The following PTPRD variants were observed in gnomAD, a reference collection of about 807,000 sequenced individuals.
The protein encoded by PTPRD is receptor-type tyrosine-protein phosphatase delta.
A neutral mutation model predicts 214.5 loss-of-function variants in PTPRD; 34 were observed. That is an observed-to-expected ratio of 0.16 (90% confidence interval 0.12 to 0.21). PTPRD has a LOEUF of 0.21. Ranked by LOEUF, PTPRD falls within the 10% of genes least tolerant of loss-of-function variation. The probability of loss-of-function intolerance (pLI) is 1.00; values close to 1 mark genes in which losing one functional copy is unlikely to be tolerated. For missense variants in PTPRD, 2,545 were observed against 2,398.7 expected, an observed-to-expected ratio of 1.06 and a Z score of -1.27; for synonymous variants, 1,128 against 845.7, an observed-to-expected ratio of 1.33 and a Z score of -5.79.
intron 11 of PTPRD, among the ~76,000 whole-genome samples, chr9:8,940,463 TGGTA>T (rs2099026383): frequency 5.1e-4 from 54 of 106,784 alleles, no homozygotes; most frequent in East Asian, 7.5e-4. Flanking sequence ...TTTTTTTTTT[TGGTA>T]TTTTTAATAG....
intron 8 of PTPRD, among the ~76,000 whole-genome samples, chr9:9,526,274 A>G (rs1416483758): frequency 6.6e-6 from 1 of 152,044 alleles, no homozygotes; most frequent in Non-Finnish European, 1.5e-5. Flanking sequence ...CAAACTATTA[A>G]TGGTGCTTTT....
rs181418000 is a variant in PTPRD at position 10,086,766 on chromosome 9, C to T, written c.-544-52976G>A. ...TGAAACAAAAATGCAAACACAACTT[C>T]GCTGTTGCAACTTTTCTTTCATAAT... is the stretch of plus-strand genomic sequence containing the variant. On this transcript the variant is annotated intron_variant, in intron 3 of 45. Coordinates refer to ENST00000381196, the MANE Select transcript of PTPRD (RefSeq NM_002839.4). Among the ~76,000 whole-genome samples the T allele has an allele frequency of 8.6e-5, 13 of 151,886 alleles. No individual in the cohort carries two copies. In the East Asian group the frequency reaches 2.1e-3, roughly 25 times the overall value.
At chr9:8,804,282 A>C (rs1032528770) in intron 11 of PTPRD, among the ~76,000 whole-genome samples, 4 of 152,020 alleles carry the variant, frequency 2.6e-5, no homozygotes, top group African/African-American at 9.7e-5. Context: ...ACAAATCTAT[A>C]GGCACTTTAA....
chr9:9,951,189 C>G (rs914419030), intron 4 of PTPRD, among the ~76,000 whole-genome samples: 2 of 151,978 alleles, frequency 1.3e-5, no homozygotes, highest in Admixed American at 1.3e-4. Flanking sequence ...GGTCTAGCTT[C>G]TATTAACTGA....
chr9:10,565,612 C>T, intron 2 of PTPRD, among the ~76,000 whole-genome samples: 1 of 152,000 alleles, frequency 6.6e-6, no homozygotes, highest in Middle Eastern at 3.2e-3. Flanking sequence ...CAAACACACC[C>T]CTTTGGATAA....
chr9:10,324,923 C>A (rs551364220), intron 3 of PTPRD, among the ~76,000 whole-genome samples: 2 of 152,034 alleles, frequency 1.3e-5, no homozygotes, highest in African/African-American at 2.4e-5. Flanking sequence ...TTTACCAACA[C>A]ACATACCATC....
chr9:8,913,138 A>T lies in PTPRD; in HGVS notation c.-104+105559T>A, dbSNP rs185496414. Among the ~76,000 whole-genome samples, 84 of 152,224 alleles carry T rather than the reference A, an allele frequency of 5.5e-4. 1 individual carries two copies. The highest frequency in any genetic ancestry group is 4.3e-3 in the Admixed American group (66 of 15,284). On this transcript the variant is annotated intron_variant, in intron 11 of 45. Coordinates refer to ENST00000381196, the MANE Select transcript of PTPRD (RefSeq NM_002839.4). ...TACCACAGAATTTTCTTTAAAAAAA[A>T]ACTTTATGAACATGACTTGAACATT...
chr9:9,207,045 A>G (rs985178681), intron 9 of PTPRD, among the ~76,000 whole-genome samples: 4 of 152,196 alleles, frequency 2.6e-5, no homozygotes, highest in African/African-American at 7.2e-5. Context: ...GGATTTGAGG[A>G]GAAGATTCTG....
At chr9:9,170,315 TC>T (rs2099911970) in intron 10 of PTPRD, among the ~76,000 whole-genome samples, 1 of 152,210 alleles carries the variant, frequency 6.6e-6, no homozygotes, top group Non-Finnish European at 1.5e-5. Context: ...AGGTTCTTTG[TC>T]CTTCAAATTT....
At chr9:8,942,849 G>C (rs1164224613) in intron 11 of PTPRD, among the ~76,000 whole-genome samples, 3 of 152,056 alleles carry the variant, frequency 2.0e-5, no homozygotes, top group Non-Finnish European at 2.9e-5. Context: ...AATTATCCTT[G>C]TTTGCAGATG....
At chr9:8,849,168 A>AG (rs1280015956) in intron 11 of PTPRD, among the ~76,000 whole-genome samples, 3 of 140,570 alleles carry the variant, frequency 2.1e-5, no homozygotes, top group Non-Finnish European at 3.1e-5. Context: ...AACTCAAAAA[A>AG]AAATTTTTTT....
At chr9:9,284,016 T>C (rs928787676) in intron 9 of PTPRD, among the ~76,000 whole-genome samples, 1 of 151,726 alleles carries the variant, frequency 6.6e-6, no homozygotes, top group Non-Finnish European at 1.5e-5. Context: ...CTTCCTGGCA[T>C]GTCCTAGTAG....
Position 9,452,893 on chromosome 9 carries a change from A to G in PTPRD, c.-236-55411T>C, listed in dbSNP as rs575110286. On this transcript the variant is annotated intron_variant, in intron 8 of 45. Coordinates refer to ENST00000381196, the MANE Select transcript of PTPRD (RefSeq NM_002839.4). ...TGCTCAAGCTCTTGAGATAAATCAC[A>G]AAACAAGCACATTCTTTCAAAATTA... Among the ~76,000 whole-genome samples, 44 of 151,712 alleles carry G rather than the reference A, an allele frequency of 2.9e-4. No individual in the cohort carries two copies. The South Asian group carries it at 8.7e-3, about 30-fold the overall frequency.
intron 5 of PTPRD, among the ~76,000 whole-genome samples, chr9:9,923,977 G>T (rs187459973): frequency 3.9e-5 from 6 of 151,918 alleles, no homozygotes; most frequent in Admixed American, 3.9e-4. Flanking sequence ...ATGAAGGATG[G>T]AATTAAAATA....
intron 3 of PTPRD, among the ~76,000 whole-genome samples, chr9:10,319,847 T>A (rs1325225119): frequency 4.6e-5 from 7 of 152,014 alleles, no homozygotes. Context: ...GGGGTTTAGC[T>A]AAAATGCTTG....
chr9:10,398,695 GGTAT>G (rs2098218428), intron 2 of PTPRD, among the ~76,000 whole-genome samples: 2 of 151,854 alleles, frequency 1.3e-5, no homozygotes, highest in Admixed American at 1.3e-4. Context: ...GAAAGTAATC[GGTAT>G]TAGTAGTCGT....
chr9:9,740,843 C>G (rs1473960594), intron 6 of PTPRD, among the ~76,000 whole-genome samples: 1 of 152,090 alleles, frequency 6.6e-6, no homozygotes, highest in Non-Finnish European at 1.5e-5. Flanking sequence ...CAAGGAAAGT[C>G]AACGAATGCT....
chr9:8,581,683 C>G (rs1309754835), intron 14 of PTPRD, among the ~76,000 whole-genome samples: 1 of 151,706 alleles, frequency 6.6e-6, no homozygotes, highest in African/African-American at 2.4e-5. Flanking sequence ...AGAGGCAAAG[C>G]TTGCAGTGAG....
intron 30 of PTPRD, among the ~76,000 whole-genome samples, chr9:8,478,852 A>G (rs542162665): frequency 5.3e-5 from 8 of 152,358 alleles, no homozygotes; most frequent in African/African-American, 1.2e-4. Context: ...TTCGGTGTTG[A>G]GGAGTTAAGG....
Sources: allele counts gnomAD v4.1 joint callset (sites outside exome capture counted in the v4.1 genomes callset), GRCh38; gene constraint gnomAD v4.1.1; transcripts MANE v1.5; gene names NCBI Gene and HGNC (gene_info 2026-07-23, HGNC 2026-07-21).